NEMP2: variants seen among roughly 807,000 people sequenced by gnomAD.
NEMP2 encodes UPF0571 transmembrane protein.
Under a neutral mutation model 54.2 loss-of-function variants are expected in NEMP2, and 53 were observed. That is an observed-to-expected ratio of 0.98 (90% CI 0.78 to 1.23). The LOEUF (loss-of-function observed/expected upper bound fraction) is 1.23, where lower values mean the gene tolerates loss of function less well. NEMP2 is among the 50% of genes most tolerant of loss of function. The pLI is 0.00. For missense variants in NEMP2, 455 were observed against 511.3 expected (o/e 0.89, Z 1.06); for synonymous variants, 197 against 190.3 (o/e 1.04, Z -0.29).
the NEMP2 span, among the ~76,000 whole-genome samples, chr2:190,545,363 TC>T: frequency 3.3e-5 from 5 of 152,138 alleles, no homozygotes; most frequent in African/African-American, 1.2e-4. Context: ...TTCTCTTTTT[TC>T]CCCCCACTGG....
At chr2:190,515,912 A>C (rs1475758288) in intron 6 of NEMP2, among the ~76,000 whole-genome samples, 1 of 152,210 alleles carries the variant, frequency 6.6e-6, no homozygotes, top group Non-Finnish European at 1.5e-5. Flanking sequence ...TACGGGAAAG[A>C]AAGAAACAGC....
At chr2:190,494,338 G>A in the NEMP2 span, among the ~76,000 whole-genome samples, 18 of 152,112 alleles carry the variant, frequency 1.2e-4, no homozygotes, top group Non-Finnish European at 2.7e-4. The surrounding 1 kb of genome is among the most constrained non-coding windows in gnomAD (Gnocchi z 5.7). Flanking sequence ...ACTAAGTAGT[G>A]AGACTGAATC....
the NEMP2 span, among the ~76,000 whole-genome samples, chr2:190,570,630 T>A: frequency 9.5e-4 from 145 of 152,318 alleles, 1 homozygote; most frequent in Admixed American, 4.7e-3. The surrounding 1 kb of genome is among the most constrained non-coding windows in gnomAD (Gnocchi z 5.4). Flanking sequence ...AGAAGAACAG[T>A]GCACCCTTTT....
At chr2:190,463,817 C>T in the NEMP2 span, 1 of 926,768 alleles carries the variant, frequency 1.1e-6, no homozygotes, top group Non-Finnish European at 1.3e-6. This position sits in a 1 kb window ranked among gnomAD's most constrained non-coding sequence, Gnocchi z 4.4. Flanking sequence ...AAGACCCTGT[C>T]TCAAAAATAA....
chr2:190,429,528 A>C, the NEMP2 span, among the ~76,000 whole-genome samples: 1 of 151,884 alleles, frequency 6.6e-6, no homozygotes, highest in Non-Finnish European at 1.5e-5. Context: ...GGGTTTCATC[A>C]TGTTGGCCAG....
chr2:190,566,819 A>C, the NEMP2 span, among the ~76,000 whole-genome samples: 3 of 152,050 alleles, frequency 2.0e-5, no homozygotes, highest in African/African-American at 7.2e-5. Flanking sequence ...TTTTTTCCCC[A>C]AAAAAGTTAA....
At chr2:190,630,214 C>T in the NEMP2 span, among the ~76,000 whole-genome samples, 1 of 152,198 alleles carries the variant, frequency 6.6e-6, no homozygotes, top group African/African-American at 2.4e-5. The surrounding 1 kb of genome is among the most constrained non-coding windows in gnomAD (Gnocchi z 5.5). Context: ...TCATTCATTC[C>T]TCTCATCAGA....
At chr2:190,445,861 AT>A in the NEMP2 span, among the ~76,000 whole-genome samples, 2 of 152,038 alleles carry the variant, frequency 1.3e-5, no homozygotes, top group African/African-American at 2.4e-5. Flanking sequence ...AAAGAAGGTC[AT>A]TTTTTTTCCT....
In NEMP2 at chr2:190,528,880, C is replaced by T. The variant is rs1691041526; in HGVS notation, c.98-3502G>A. On this transcript the variant is annotated intron_variant, in intron 1 of 8. Coordinates refer to ENST00000409150, the MANE Select transcript of NEMP2 (RefSeq NM_001142645.2). This position sits in a 1 kb window ranked among gnomAD's most constrained non-coding sequence, Gnocchi z 4.3. ...TTAAGTATAGTGTATACTGCAGTTT[C>T]AACATAGGAATAAATGCTTCTCTCT... 6.6e-6 allele frequency among the ~76,000 whole-genome samples: 1 copy of T among 152,166 alleles called. No homozygotes were observed. The highest frequency in any genetic ancestry group is 2.4e-5 in the African/African-American group (1 of 41,448).
At chr2:190,544,360 G>T in the NEMP2 span, among the ~76,000 whole-genome samples, 1 of 152,006 alleles carries the variant, frequency 6.6e-6, no homozygotes, top group South Asian at 2.1e-4. Context: ...TATAGGATTA[G>T]AATAAATATA....
the NEMP2 span, among the ~76,000 whole-genome samples, chr2:190,430,880 C>T: frequency 1.1e-4 from 16 of 150,512 alleles, no homozygotes; most frequent in South Asian, 2.4e-3. Flanking sequence ...GGGCGGCTGC[C>T]GGGCGGAGAC....
chr2:190,591,761 G>C, the NEMP2 span, among the ~76,000 whole-genome samples: 1 of 152,170 alleles, frequency 6.6e-6, no homozygotes, highest in Admixed American at 6.5e-5. This position sits in a 1 kb window ranked among gnomAD's most constrained non-coding sequence, Gnocchi z 5.4. Context: ...AATTGCCATG[G>C]CCAGCAGGCC....
At chr2:190,603,699 C>A in the NEMP2 span, among the ~76,000 whole-genome samples, 1 of 151,280 alleles carries the variant, frequency 6.6e-6, no homozygotes, top group Non-Finnish European at 1.5e-5. Context: ...GAGAAGAAAG[C>A]CTCTTAGAAC....
chr2:190,486,842 A>G, the NEMP2 span, among the ~76,000 whole-genome samples: 5 of 152,080 alleles, frequency 3.3e-5, no homozygotes, highest in African/African-American at 4.8e-5. Flanking sequence ...TAGCTATAAA[A>G]CCTGTTGTGA....
the NEMP2 span, among the ~76,000 whole-genome samples, chr2:190,481,146 C>G: frequency 1.3e-5 from 2 of 152,156 alleles, no homozygotes; most frequent in Non-Finnish European, 2.9e-5. Flanking sequence ...TATAATGTTG[C>G]CAAGTCTTAA....
At chr2:190,423,357 A>G in the NEMP2 span, among the ~76,000 whole-genome samples, 4 of 152,232 alleles carry the variant, frequency 2.6e-5, no homozygotes, top group East Asian at 1.9e-4. The surrounding 1 kb of genome is among the most constrained non-coding windows in gnomAD (Gnocchi z 4.3). Context: ...TGTCATTTCA[A>G]GAATGTTATA....
chr2:190,499,991 G>A (rs1437752102), downstream of NEMP2: 10 of 1,611,846 alleles, frequency 6.2e-6, no homozygotes, highest in Non-Finnish European at 8.5e-6. The surrounding 1 kb of genome is among the most constrained non-coding windows in gnomAD (Gnocchi z 6.0). Flanking sequence ...TGATCATGGG[G>A]CATCTCCTGT....
At chr2:190,615,702 G>A in the NEMP2 span, among the ~76,000 whole-genome samples, 1 of 152,256 alleles carries the variant, frequency 6.6e-6, no homozygotes, top group Non-Finnish European at 1.5e-5. The surrounding 1 kb of genome is among the most constrained non-coding windows in gnomAD (Gnocchi z 4.7). Context: ...GGTTCCTGTG[G>A]CAACCAGCTA....
Position 190,533,994 on chromosome 2 carries a change from C to G in NEMP2, c.97+565G>C. On this transcript the variant is annotated intron_variant, in intron 1 of 8. Transcript: ENST00000409150. This position sits in a 1 kb window ranked among gnomAD's most constrained non-coding sequence, Gnocchi z 4.3. ...TTGTGCACACGAACACCACAAGAAC[C>G]TTGTGAGGCCTCATTACCTGCCGCT... 1.0e-6 allele frequency: 1 copy of G among 985,336 alleles called. No homozygotes were observed. The highest frequency in any genetic ancestry group is 1.2e-6 in the Non-Finnish European group (1 of 829,934). The allele number at this position is 985,336 out of a possible 1,614,324, so 61.0% of individuals were successfully genotyped here. A position where few individuals can be genotyped will look rare whatever the true frequency, so the allele number is the denominator to read the frequency against.
Sources: allele counts gnomAD v4.1 joint callset (sites outside exome capture counted in the v4.1 genomes callset), GRCh38; gene constraint gnomAD v4.1.1; non-coding constraint Gnocchi (gnomAD v3.1); transcripts MANE v1.5; gene names NCBI Gene and HGNC (gene_info 2026-07-23, HGNC 2026-07-21).